Variants in STAM2 observed in about 807,000 individuals in gnomAD.
STAM2 encodes signal transducing adaptor molecule 2.
STAM2 carries 51 observed loss-of-function variants against 65.6 expected under a neutral mutation model. The observed-to-expected ratio is 0.78, with a 90% confidence interval of 0.62 to 0.98. The LOEUF is 0.98. Ranked by LOEUF, STAM2 falls within the 50% of genes least tolerant of loss-of-function variation. STAM2 has a pLI of 0.00. For missense variants in STAM2, 584 were observed against 617.8 expected, an observed-to-expected ratio of 0.95 and a Z score of 0.58; for synonymous variants, 198 against 208.4, an observed-to-expected ratio of 0.95 and a Z score of 0.43.
rs560473720 is a variant in STAM2 at position 152,132,363 on chromosome 2, A to C, written c.971-195T>G. Among the ~76,000 whole-genome samples, 3 of 152,338 alleles carry C rather than the reference A, an allele frequency of 2.0e-5. No homozygotes were observed. In the South Asian group the frequency reaches 6.2e-4, roughly 32 times the overall value. On this transcript the variant is annotated intron_variant, in intron 10 of 13. Coordinates refer to ENST00000263904, the MANE Select transcript of STAM2 (RefSeq NM_005843.6). ...TGTGACTAAAAGCAAGGTCAACTTT[A>C]AAATAAAAACCTCATTATGTTTTCT... is the stretch of plus-strand genomic sequence containing the variant.
At chr2:152,171,086 T>C (rs1689890152) in intron 1 of STAM2, among the ~76,000 whole-genome samples, 1 of 152,186 alleles carries the variant, frequency 6.6e-6, no homozygotes, top group Non-Finnish European at 1.5e-5. Context: ...CAATATATAG[T>C]ATATTTGTAA....
Position 152,131,960 on chromosome 2 carries a change from C to T in STAM2, c.1025+154G>A, listed in dbSNP as rs1004997227. 16 of 567,304 alleles carry T rather than the reference C, an allele frequency of 2.8e-5. No individual in the cohort carries two copies. In the African/African-American group the frequency reaches 2.9e-4, roughly 10 times the overall value. The allele number at this position is 567,304 out of a possible 1,614,324, so 35.1% of individuals were successfully genotyped here. A position where few individuals can be genotyped will look rare whatever the true frequency, so the allele number is the denominator to read the frequency against. On this transcript the variant is annotated intron_variant, in intron 11 of 13. Transcript: ENST00000263904. ...AAAACAAAAACAAGATAAAAAGCACCACCTTGCTATAAATTTGTTAAAAGC... is the reference window on the plus strand; with the variant it reads ...AAAACAAAAACAAGATAAAAAGCACTACCTTGCTATAAATTTGTTAAAAGC...
At chr2:152,143,006 T>C (rs1033447316) in intron 7 of STAM2, among the ~76,000 whole-genome samples, 5 of 152,212 alleles carry the variant, frequency 3.3e-5, no homozygotes, top group Non-Finnish European at 7.4e-5. Flanking sequence ...TTTTATGGTA[T>C]TCACCACATT....
At position 152,118,460 on chromosome 2, in the gene STAM2, A is replaced by ATATGTG. The variant is rs1162441884; in HGVS notation, c.*2113_*2114insCACATA. On this transcript the variant is annotated 3_prime_UTR_variant, in exon 14 of 14. Transcript: ENST00000263904. ...ATACTATATATTTATATATATATATATGTGTCATGTTTTATTATTCTAAAA... is the reference window on the plus strand; with the variant it reads ...ATACTATATATTTATATATATATATATATGTGTGTGTCATGTTTTATTATTCTAAAA... 5 of 149,134 alleles carry ATATGTG rather than the reference A, an allele frequency of 3.4e-5. No homozygotes were observed. Among genetic ancestry groups the ATATGTG allele is most frequent in the African/African-American group, 1.2e-4 (5 of 40,676 alleles). 9.2% of individuals were successfully genotyped at this position (149,134 alleles called of 1,614,324 possible). A position where few individuals can be genotyped will look rare whatever the true frequency, so the allele number is the denominator to read the frequency against.
At chr2:152,154,311 C>T (rs1053807198) in intron 1 of STAM2, among the ~76,000 whole-genome samples, 11 of 152,070 alleles carry the variant, frequency 7.2e-5, no homozygotes, top group South Asian at 2.1e-4. Flanking sequence ...ACACCAGAGA[C>T]GAAGTGAATA....
chr2:152,156,496 G>C (rs142422945), intron 1 of STAM2, among the ~76,000 whole-genome samples: 2,299 of 152,244 alleles, frequency 0.015, 27 homozygotes, highest in Middle Eastern at 0.024. Flanking sequence ...TAGAGAGGTA[G>C]AAAATTAAAA....
chr2:152,122,330 T>C (rs563156335), intron 13 of STAM2, among the ~76,000 whole-genome samples: 1 of 151,592 alleles, frequency 6.6e-6, no homozygotes, highest in East Asian at 2.0e-4. Flanking sequence ...GAGTCAGAGG[T>C]TGGAAGATCC....
chr2:152,138,368 TG>T (rs1355083826), intron 7 of STAM2, among the ~76,000 whole-genome samples: 1 of 152,146 alleles, frequency 6.6e-6, no homozygotes, highest in African/African-American at 2.4e-5. Flanking sequence ...CTACTGAGAA[TG>T]ACTTTTTTTT....
intron 1 of STAM2, among the ~76,000 whole-genome samples, chr2:152,173,877 C>T (rs1242793199): frequency 6.6e-6 from 1 of 152,106 alleles, no homozygotes; most frequent in Non-Finnish European, 1.5e-5. Flanking sequence ...ATTCTTTCAC[C>T]CTTAAAATGC....
intron 13 of STAM2, among the ~76,000 whole-genome samples, chr2:152,122,887 G>A (rs1334409295): frequency 2.6e-5 from 4 of 151,962 alleles, no homozygotes; most frequent in East Asian, 1.9e-4. Context: ...GCAACATGGC[G>A]AAACCCCACC....
In STAM2 at chr2:152,127,483, C is replaced by T. The variant is rs1453618735; in HGVS notation, c.1026-1104G>A. Among the ~76,000 whole-genome samples, 3 of 151,394 alleles carry T rather than the reference C, an allele frequency of 2.0e-5. No homozygotes were observed. In the East Asian group the frequency reaches 5.8e-4, roughly 29 times the overall value. ...AAAAATCTCAATAAAAGAAAGTACC[C>T]AGGCAAGGCTCAGAACCTCTATGAA... On this transcript the variant is annotated intron_variant, in intron 11 of 13. Transcript: ENST00000263904.
chr2:152,163,791 C>A (rs181387794), intron 1 of STAM2, among the ~76,000 whole-genome samples: 2 of 152,184 alleles, frequency 1.3e-5, no homozygotes, highest in Admixed American at 6.5e-5. Context: ...GTGTCTTATG[C>A]GGTTGAGATA....
chr2:152,158,975 T>C (rs1362513663), intron 1 of STAM2, among the ~76,000 whole-genome samples: 3 of 150,930 alleles, frequency 2.0e-5, no homozygotes, highest in East Asian at 1.9e-4. Flanking sequence ...ATTCTGACCA[T>C]AGCAATCTTA....
Position 152,135,573 on chromosome 2 carries a change from G to C in STAM2, c.735C>G (p.His245Gln). The C allele has an allele frequency of 6.2e-7, 1 of 1,612,094 alleles. No homozygotes were observed. Among genetic ancestry groups the C allele is most frequent in the East Asian group, 2.2e-5 (1 of 44,752 alleles). ...SDANWWKGEN[H>Q]RGIGLFPSNF... Reference sequence around the variant, plus strand: ...TGGATGGGAAAAGTCCTATTCCTCTGTGATTTTCTCCTTTCCACCAATTGG... The same window carrying C: ...TGGATGGGAAAAGTCCTATTCCTCTCTGATTTTCTCCTTTCCACCAATTGG... Residue 245 changes from histidine (H) to glutamine (Q), a missense_variant, in exon 8 of 14, where the codon CAC becomes CAG. By Grantham distance (24) the His-to-Gln change is conservative (BLOSUM62 0). Coordinates refer to ENST00000263904, the MANE Select transcript of STAM2 (RefSeq NM_005843.6).
chr2:152,129,325 T>A (rs941792910), intron 11 of STAM2, among the ~76,000 whole-genome samples: 70 of 152,104 alleles, frequency 4.6e-4, no homozygotes, highest in Admixed American at 9.8e-4. Context: ...CATTAAAAAA[T>A]TTTTTTGTAG....
intron 1 of STAM2, among the ~76,000 whole-genome samples, chr2:152,150,439 C>A (rs573366968): frequency 1.2e-4 from 19 of 152,230 alleles, no homozygotes; most frequent in African/African-American, 4.1e-4. Context: ...CAATAAAATG[C>A]CTTCTAAATA....
rs1688962724 is a variant in STAM2 at position 152,126,281 on chromosome 2, G to C, written c.1124C>G (p.Ser375Ter). The C allele has an allele frequency of 6.2e-7, 1 of 1,611,710 alleles. No homozygotes were observed. The highest frequency in any genetic ancestry group is 8.5e-7 in the Non-Finnish European group (1 of 1,178,816). Reference sequence around the variant, plus strand: ...GTAATGTGCTGGAGGGTGGAGCTTTGAATAGACTGAGTACACTGGTGCTTC... The same window carrying C: ...GTAATGTGCTGGAGGGTGGAGCTTTCAATAGACTGAGTACACTGGTGCTTC... Reference protein sequence around the residue: ...VNEAPVYSVYSKLHPPAHYPP... With the variant: ...VNEAPVYSVY Residue 375 changes from serine (S) to a stop codon, truncating the protein, a stop_gained, in exon 12 of 14, where the codon TCA (serine) becomes TGA (stop). Coordinates refer to ENST00000263904, the MANE Select transcript of STAM2 (RefSeq NM_005843.6). LOFTEE classifies it high-confidence loss of function.
chr2:152,129,380 G>A (rs1029257893), intron 11 of STAM2, among the ~76,000 whole-genome samples: 2 of 151,994 alleles, frequency 1.3e-5, no homozygotes, highest in Admixed American at 1.3e-4. Flanking sequence ...CAAATTCCTG[G>A]GCTCAGATGA....
chr2:152,163,687 A>G (rs950482240), intron 1 of STAM2, among the ~76,000 whole-genome samples: 1 of 152,190 alleles, frequency 6.6e-6, no homozygotes, highest in African/African-American at 2.4e-5. Context: ...ATATTGCTAA[A>G]TTCTTCTTCT....
Sources: allele counts gnomAD v4.1 joint callset (sites outside exome capture counted in the v4.1 genomes callset), GRCh38; gene constraint gnomAD v4.1.1; transcripts MANE v1.5; gene names NCBI Gene and HGNC (gene_info 2026-07-23, HGNC 2026-07-21).